Variants in CEP128 observed in about 807,000 individuals in gnomAD.
CEP128 encodes centrosomal protein 128.
Under a neutral mutation model 156.7 loss-of-function variants are expected in CEP128, and 132 were observed. The ratio of observed to expected loss-of-function variants is 0.84; its 90% CI spans 0.73 to 0.97. CEP128 has a LOEUF of 0.97. Ranked by LOEUF, CEP128 falls within the 50% of genes least tolerant of loss-of-function variation. The probability of loss-of-function intolerance (pLI) is 0.00; values close to 1 mark genes in which losing one functional copy is unlikely to be tolerated. For synonymous variants in CEP128, 469 were observed against 448.9 expected (o/e 1.04, Z -0.57); for missense variants, 1,252 against 1,281.9 (o/e 0.98, Z 0.36).
intron 16 of CEP128, among the ~76,000 whole-genome samples, chr14:80,763,229 CAGG>C (rs752351006): frequency 2.0e-5 from 3 of 152,180 alleles, no homozygotes; most frequent in Non-Finnish European, 4.4e-5. Flanking sequence ...ACCACAATAA[CAGG>C]AGTTTCATTC....
Position 80,785,350 on chromosome 14 carries a change from C to T in CEP128, c.1756G>A (p.Asp586Asn), listed in dbSNP as rs1296266895. ...DLELEVKNSL[D>N]TIHRLESELK... ...TCGCTCTCCAGTCTATGGATGGTAT[C>T]CAGGGAATTCTTAACTTCCAATTCA... The change falls in exon 15 of 25, where the codon GAT (aspartate) becomes AAT (asparagine). Residue 586 changes from aspartate to asparagine, a missense_variant. Physicochemically the swap from Asp to Asn is conservative, Grantham distance 23 (BLOSUM62 1). Transcript: ENST00000555265. 1 of 1,614,104 alleles carries T rather than the reference C, an allele frequency of 6.2e-7. No homozygotes were observed. The highest frequency in any genetic ancestry group is 1.1e-5 in the South Asian group (1 of 91,076).
intron 13 of CEP128, among the ~76,000 whole-genome samples, chr14:80,823,558 A>C (rs1885305973): frequency 6.6e-6 from 1 of 151,548 alleles, no homozygotes; most frequent in Admixed American, 6.6e-5. Flanking sequence ...AAATACCATG[A>C]TTGTTTATGG....
chr14:80,690,385 C>T (rs1896679452), intron 19 of CEP128, among the ~76,000 whole-genome samples: 1 of 149,966 alleles, frequency 6.7e-6, no homozygotes, highest in African/African-American at 2.5e-5. Flanking sequence ...CATTGTACTC[C>T]AGCCTAGGCA....
chr14:80,755,264 T>C (rs535486925), intron 18 of CEP128, among the ~76,000 whole-genome samples: 1 of 152,330 alleles, frequency 6.6e-6, no homozygotes, highest in South Asian at 2.1e-4. Flanking sequence ...CTCCTCAGCC[T>C]GCAGATGGCC....
At chr14:80,576,647 GTGTGTGTC>G (rs1485244426) in intron 20 of CEP128, among the ~76,000 whole-genome samples, 1 of 119,752 alleles carries the variant, frequency 8.4e-6, no homozygotes, top group Admixed American at 8.1e-5. Context: ...GTGTGTGTGT[GTGTGTGTC>G]TGTGTCTGTG....
upstream of CEP128, among the ~76,000 whole-genome samples, chr14:80,943,560 CA>C (rs1385083798): frequency 6.6e-6 from 1 of 152,200 alleles, no homozygotes; most frequent in Non-Finnish European, 1.5e-5. Flanking sequence ...TTACAGGACA[CA>C]ACTGGGACCA....
intron 19 of CEP128, among the ~76,000 whole-genome samples, chr14:80,603,776 G>C (rs1230965914): frequency 6.6e-6 from 1 of 152,096 alleles, no homozygotes; most frequent in Admixed American, 6.5e-5. Context: ...TGCCAAGAGA[G>C]AAAATAATTG....
chr14:80,514,403 C>T (rs1333589137), intron 23 of CEP128, among the ~76,000 whole-genome samples: 2 of 151,606 alleles, frequency 1.3e-5, no homozygotes, highest in Admixed American at 1.3e-4. Context: ...TATAGGTGTA[C>T]TTCATTATTT....
At chr14:80,699,562 C>T (rs953374144) in intron 19 of CEP128, among the ~76,000 whole-genome samples, 1 of 152,102 alleles carries the variant, frequency 6.6e-6, no homozygotes. Context: ...TTAGTATATG[C>T]CACCATTTAA....
chr14:80,590,314 G>A (rs1187865044), intron 19 of CEP128, among the ~76,000 whole-genome samples: 1 of 152,062 alleles, frequency 6.6e-6, no homozygotes, highest in Admixed American at 6.6e-5. Flanking sequence ...GCTTCATAGA[G>A]TTCTAAAAAC....
intron 19 of CEP128, among the ~76,000 whole-genome samples, chr14:80,599,585 C>CTT (rs139511348): frequency 0.013 from 2,013 of 151,842 alleles, 45 homozygotes; most frequent in African/African-American, 0.046. Flanking sequence ...GAGTCATATT[C>CTT]TTTTTTCTAG....
chr14:80,916,366 TAA>T (rs1217880991), intron 3 of CEP128, 33 bp downstream of exon 3: 1 of 1,565,620 alleles, frequency 6.4e-7, no homozygotes, highest in Non-Finnish European at 8.8e-7. Flanking sequence ...TCAAACTATT[TAA>T]ATTCTATTAA....
intron 23 of CEP128, among the ~76,000 whole-genome samples, chr14:80,511,231 G>A (rs1232306851): frequency 6.6e-6 from 1 of 151,872 alleles, no homozygotes; most frequent in African/African-American, 2.4e-5. Context: ...AAGCCATCAG[G>A]TCCCAGGCTT....
intron 13 of CEP128, among the ~76,000 whole-genome samples, chr14:80,804,324 T>C (rs114973903): frequency 1.4e-3 from 207 of 152,188 alleles, no homozygotes; most frequent in African/African-American, 4.8e-3. Context: ...AAAGTAGCAA[T>C]TGCCTAAATG....
At chr14:80,742,969 G>A in intron 19 of CEP128, 106 bp downstream of exon 19, 1 of 911,430 alleles carries the variant, frequency 1.1e-6, no homozygotes. Context: ...AGATGGGCTT[G>A]GAAATAGTCC....
intron 21 of CEP128, among the ~76,000 whole-genome samples, chr14:80,544,935 A>T (rs1447799254): frequency 6.6e-6 from 1 of 152,224 alleles, no homozygotes; most frequent in African/African-American, 2.4e-5. Context: ...TCTTTTTAAG[A>T]GGGATAAAAG....
chr14:80,820,459 A>G (rs1885104391), intron 13 of CEP128, among the ~76,000 whole-genome samples: 1 of 152,218 alleles, frequency 6.6e-6, no homozygotes, highest in Admixed American at 6.5e-5. Flanking sequence ...GTGAGTAGAG[A>G]AAGTGTATTT....
chr14:80,607,812 T>C (rs1892844820), intron 19 of CEP128, among the ~76,000 whole-genome samples: 2 of 152,208 alleles, frequency 1.3e-5, no homozygotes, highest in South Asian at 4.1e-4. Context: ...TTACTTTTTA[T>C]AGATTATACA....
At chr14:80,929,962 A>T (rs898209008) in intron 2 of CEP128, among the ~76,000 whole-genome samples, 1 of 152,206 alleles carries the variant, frequency 6.6e-6, no homozygotes, top group Admixed American at 6.5e-5. Context: ...GCAAAGTTTC[A>T]TCTGTATTTA....
Sources: gnomAD v4.1 joint callset for allele counts (sites outside exome capture counted in the v4.1 genomes callset) on GRCh38, gnomAD v4.1.1 for gene constraint, MANE v1.5 for transcripts, NCBI Gene and HGNC (gene_info 2026-07-23, HGNC 2026-07-21) for gene names.